Variants in GRIP1 observed in about 807,000 individuals in gnomAD.
GRIP1 encodes the protein glutamate receptor-interacting protein 1.
A neutral mutation model predicts 129.9 loss-of-function variants in GRIP1; 45 were observed. That is an observed-to-expected ratio of 0.35 (90% CI 0.27 to 0.44). GRIP1 has a LOEUF of 0.44. Ranked by LOEUF, GRIP1 falls within the 20% of genes least tolerant of loss-of-function variation. GRIP1 has a pLI of 1.00. For missense variants in GRIP1, 1,196 were observed against 1,396.8 expected, an observed-to-expected ratio of 0.86 and a Z score of 2.29; for synonymous variants, 530 against 520.8, an observed-to-expected ratio of 1.02 and a Z score of -0.24.
In GRIP1 at chr12:66,576,724, C is replaced by T. The variant is rs372270101; in HGVS notation, c.136+20123G>A. ...CAGATGCTCACTAGTAGTACTCTTC[C>T]TCCTCTCCTCTTCTCAAACATTACT... On this transcript the variant is annotated intron_variant, in intron 2 of 24. Coordinates refer to ENST00000359742, the MANE Select transcript of GRIP1 (RefSeq NM_001366722.1). Among the ~76,000 whole-genome samples, 9 of 152,250 alleles carry T rather than the reference C, an allele frequency of 5.9e-5. No homozygotes were observed. The South Asian group carries it at 1.9e-3, about 32-fold the overall frequency.
chr12:67,042,669 T>C (rs1225848256), intron 1 of GRIP1, among the ~76,000 whole-genome samples: 2 of 152,188 alleles, frequency 1.3e-5, no homozygotes, highest in African/African-American at 2.4e-5. Flanking sequence ...GAGGGCCAGG[T>C]TGCCAGTCAT....
intron 1 of GRIP1, among the ~76,000 whole-genome samples, chr12:66,770,738 G>T (rs1031949604): frequency 3.3e-5 from 5 of 152,090 alleles, no homozygotes; most frequent in Non-Finnish European, 5.9e-5. Context: ...ATAAAATAAG[G>T]CATACTCCCT....
intron 1 of GRIP1, among the ~76,000 whole-genome samples, chr12:66,930,087 T>G (rs1340751759): frequency 6.6e-6 from 1 of 151,386 alleles, no homozygotes; most frequent in Non-Finnish European, 1.5e-5. Flanking sequence ...ATGCATACTT[T>G]CTTTTGGCCT....
rs186950320 is a variant in GRIP1 at position 66,529,628 on chromosome 12, A to G, written c.502+203T>C. Among the ~76,000 whole-genome samples the G allele has an allele frequency of 2.1e-3, 326 of 152,184 alleles. 3 individuals are homozygous for G. Among genetic ancestry groups the G allele is most frequent in the African/African-American group, 7.1e-3 (296 of 41,520 alleles). On this transcript the variant is annotated intron_variant, in intron 5 of 24. Coordinates refer to ENST00000359742, the MANE Select transcript of GRIP1 (RefSeq NM_001366722.1). ...AAGAAAGATACAAGGGACTTTCAGG[A>G]CTCGGGGAAAGGGGGAGGGGGCTGA... is the stretch of plus-strand genomic sequence containing the variant.
At chr12:66,697,517 G>A (rs1341716840) in intron 1 of GRIP1, among the ~76,000 whole-genome samples, 2 of 152,108 alleles carry the variant, frequency 1.3e-5, no homozygotes, top group Non-Finnish European at 2.9e-5. Flanking sequence ...GGAAATGGCC[G>A]ACAACACAAA....
chr12:66,882,399 C>G (rs1008060229), intron 1 of GRIP1, among the ~76,000 whole-genome samples: 3 of 152,122 alleles, frequency 2.0e-5, no homozygotes, highest in Admixed American at 2.0e-4. Flanking sequence ...CTGTTTTGTA[C>G]TTGAGATCTG....
At chr12:66,509,543 G>A (rs950454308) in intron 7 of GRIP1, among the ~76,000 whole-genome samples, 85 of 152,014 alleles carry the variant, frequency 5.6e-4, no homozygotes, top group African/African-American at 2.1e-3. Context: ...CAAAGACATG[G>A]ACCCAAATGC....
intron 1 of GRIP1, among the ~76,000 whole-genome samples, chr12:66,827,387 T>TGAGAGAGAGA (rs112366252): frequency 2.5e-4 from 27 of 108,296 alleles, no homozygotes; most frequent in Admixed American, 1.2e-3. Flanking sequence ...TGTGTGTGTG[T>TGAGAGAGAGA]GAGAGAGAGA....
chr12:66,522,845 G>A (rs1393165181), intron 5 of GRIP1, among the ~76,000 whole-genome samples: 1 of 152,156 alleles, frequency 6.6e-6, no homozygotes, highest in African/African-American at 2.4e-5. Flanking sequence ...GGAGCTGATG[G>A]AGCTGAAAGC....
chr12:66,838,456 G>A lies in GRIP1; in HGVS notation c.58+230594C>T, dbSNP rs573470568. Among the ~76,000 whole-genome samples, 3 of 152,260 alleles carry A rather than the reference G, an allele frequency of 2.0e-5. No individual in the cohort carries two copies. The South Asian group carries it at 6.2e-4, about 32-fold the overall frequency. ...TCAAGATTACACTAATAAGACAGGAGTCTCTTGCCTAGAGTAAACACAGGA... is the reference window on the plus strand; with the variant it reads ...TCAAGATTACACTAATAAGACAGGAATCTCTTGCCTAGAGTAAACACAGGA... On this transcript the variant is annotated intron_variant, in intron 1 of 1. Coordinates refer to the GRIP1 transcript ENST00000643019.
intron 19 of GRIP1, among the ~76,000 whole-genome samples, chr12:66,388,175 C>A (rs969248121): frequency 1.3e-5 from 2 of 150,734 alleles, no homozygotes; most frequent in Non-Finnish European, 3.0e-5. Flanking sequence ...TGTTACTAAT[C>A]GAATCATGGG....
At chr12:66,376,349 C>T (rs1044528004) in intron 22 of GRIP1, among the ~76,000 whole-genome samples, 3 of 152,146 alleles carry the variant, frequency 2.0e-5, no homozygotes, top group Non-Finnish European at 2.9e-5. Context: ...GACTTGGGGA[C>T]CTCATAAGAC....
chr12:66,998,573 CCAAACTTT>C (rs1223969330), intron 1 of GRIP1, among the ~76,000 whole-genome samples: 3 of 152,176 alleles, frequency 2.0e-5, no homozygotes, highest in African/African-American at 7.2e-5. Flanking sequence ...TTTTCTCTTG[CCAAACTTT>C]CAAACTAGCC....
chr12:66,920,012 A>G (rs188741368), intron 1 of GRIP1, among the ~76,000 whole-genome samples: 11 of 152,326 alleles, frequency 7.2e-5, no homozygotes, highest in Admixed American at 2.6e-4. Context: ...ATAATTGTCA[A>G]TAATATAAAC....
chr12:66,391,803 AT>A (rs1184195309), intron 19 of GRIP1, among the ~76,000 whole-genome samples: 1 of 152,112 alleles, frequency 6.6e-6, no homozygotes, highest in Non-Finnish European at 1.5e-5. Context: ...ATGAACTATG[AT>A]GGTGCCAGGG....
At chr12:66,537,057 T>C (rs978932288) in intron 4 of GRIP1, among the ~76,000 whole-genome samples, 5 of 152,118 alleles carry the variant, frequency 3.3e-5, no homozygotes, top group African/African-American at 9.7e-5. Flanking sequence ...GATTCAGATA[T>C]TGAATCCAGG....
chr12:67,046,382 C>T (rs934611439), intron 1 of GRIP1, among the ~76,000 whole-genome samples: 2 of 152,158 alleles, frequency 1.3e-5, no homozygotes, highest in African/African-American at 2.4e-5. Context: ...CGGCGATTCC[C>T]TTCCATACAA....
intron 1 of GRIP1, among the ~76,000 whole-genome samples, chr12:66,688,666 A>T (rs59479333): frequency 0.09 from 13,735 of 152,042 alleles, 643 homozygotes; most frequent in East Asian, 0.2. Flanking sequence ...TCTTTCACTT[A>T]AAAAAACAGT....
chr12:66,556,923 GACCACAAAACA>G (rs1019062189), intron 2 of GRIP1, among the ~76,000 whole-genome samples: 2 of 151,010 alleles, frequency 1.3e-5, no homozygotes, highest in East Asian at 2.0e-4. Flanking sequence ...AAAAAAATAA[GACCACAAAACA>G]ACCACAAAAC....
Sources: allele counts gnomAD v4.1 joint callset (sites outside exome capture counted in the v4.1 genomes callset), GRCh38; gene constraint gnomAD v4.1.1; transcripts MANE v1.5; gene names NCBI Gene and HGNC (gene_info 2026-07-23, HGNC 2026-07-21).